SLMAP: variants seen among roughly 807,000 people sequenced by gnomAD.
The protein encoded by SLMAP is sarcolemma associated protein, also known as sarcolemmal membrane-associated protein.
SLMAP carries 44 observed loss-of-function variants against 128.8 expected under a neutral mutation model. The observed-to-expected ratio is 0.34, with a 90% CI of 0.27 to 0.44. SLMAP has a LOEUF of 0.44. Ranked by LOEUF, SLMAP falls within the 20% of genes least tolerant of loss-of-function variation. The probability of loss-of-function intolerance (pLI) is 1.00; values close to 1 mark genes in which losing one functional copy is unlikely to be tolerated. For missense variants in SLMAP, 787 were observed against 985.3 expected, an observed-to-expected ratio of 0.80 and a Z score of 2.69; for synonymous variants, 327 against 348.8, an observed-to-expected ratio of 0.94 and a Z score of 0.70.
At chr3:57,823,637 G>T (rs1236008933) in intron 2 of SLMAP, among the ~76,000 whole-genome samples, 1 of 152,156 alleles carries the variant, frequency 6.6e-6, no homozygotes, top group African/African-American at 2.4e-5. Flanking sequence ...CATTTGGGTT[G>T]GTTCCAAGTC....
intron 2 of SLMAP, among the ~76,000 whole-genome samples, chr3:57,780,299 A>G (rs931276802): frequency 6.6e-6 from 1 of 152,002 alleles, no homozygotes; most frequent in Non-Finnish European, 1.5e-5. Context: ...GGTGCACACC[A>G]TCACACCCAG....
chr3:57,879,035 T>C (rs6445930), intron 14 of SLMAP, among the ~76,000 whole-genome samples: 50,746 of 152,006 alleles, frequency 0.33, 9,147 homozygotes, highest in East Asian at 0.48. Context: ...GAAAATGGCT[T>C]TTTAGCTTTA....
chr3:57,804,501 T>G (rs923959136), intron 2 of SLMAP, among the ~76,000 whole-genome samples: 2 of 152,144 alleles, frequency 1.3e-5, no homozygotes, highest in African/African-American at 4.8e-5. Flanking sequence ...TCCCAGCACT[T>G]TGGGAGGTTG....
chr3:57,840,017 T>C (rs1289234070), intron 3 of SLMAP, among the ~76,000 whole-genome samples: 1 of 151,952 alleles, frequency 6.6e-6, no homozygotes, highest in East Asian at 1.9e-4. Flanking sequence ...AGAGGGGTTT[T>C]GCCATGTTGG....
intron 2 of SLMAP, among the ~76,000 whole-genome samples, chr3:57,810,027 T>C (rs577176995): frequency 1.3e-5 from 2 of 152,286 alleles, no homozygotes; most frequent in South Asian, 4.1e-4. Flanking sequence ...CTGCAGCCCT[T>C]CAGGGAGCTC....
intron 14 of SLMAP, among the ~76,000 whole-genome samples, chr3:57,878,938 T>C (rs550036032): frequency 2.0e-5 from 3 of 152,362 alleles, no homozygotes; most frequent in African/African-American, 7.2e-5. Flanking sequence ...TTCAGATCCC[T>C]AGGAAACTGA....
At chr3:57,862,118 A>G in intron 10 of SLMAP, 32 bp downstream of exon 10, 1 of 1,523,406 alleles carries the variant, frequency 6.6e-7, no homozygotes, top group East Asian at 2.3e-5. Flanking sequence ...AAGTATGTTA[A>G]GCTAATAATC....
Position 57,861,994 on chromosome 3 carries a change from A to G in SLMAP, c.874A>G (p.Met292Val), listed in dbSNP as rs759008432. Residue 292 changes from methionine (M) to valine (V), a missense_variant, in exon 10 of 25, where the codon ATG (methionine) becomes GTG (valine). Transcript: ENST00000671191. ...AGATGAATGTACCCATCTGAAAGAA[A>G]TGAATGAAAGGACTCAGGAAGAATT... The part of the protein sequence containing the change: ...TEDECTHLKE[M>V]NERTQEELRE... 4.3e-6 allele frequency: 7 copies of G among 1,611,774 alleles called. No homozygotes were observed. The highest frequency in any genetic ancestry group is 1.7e-5 in the Admixed American group (1 of 59,968).
At chr3:57,814,904 C>A (rs1042478032) in intron 2 of SLMAP, among the ~76,000 whole-genome samples, 19 of 152,226 alleles carry the variant, frequency 1.2e-4, no homozygotes, top group African/African-American at 3.9e-4. Flanking sequence ...GGGAGGATCT[C>A]TTGATCCTGG....
chr3:57,763,037 A>C (rs941786109), intron 2 of SLMAP, among the ~76,000 whole-genome samples: 1 of 151,862 alleles, frequency 6.6e-6, no homozygotes, highest in African/African-American at 2.4e-5. Context: ...AATGGTTATT[A>C]ATTCCTCTGT....
rs2097033706 is a variant in SLMAP at position 57,927,921 on chromosome 3, T to G, written c.*632T>G. ...CCACTGAGCTATTGGGAACAAGACT[T>G]AGAGACAACTATTTGCGTGGATTTT... On this transcript the variant is annotated 3_prime_UTR_variant, in exon 25 of 25. Coordinates refer to ENST00000671191, the MANE Select transcript of SLMAP (RefSeq NM_001377540.1). 1 of 152,490 alleles carries G rather than the reference T, an allele frequency of 6.6e-6. No homozygotes were observed. The highest frequency in any genetic ancestry group is 1.5e-5 in the Non-Finnish European group (1 of 68,004). The allele number at this position is 152,490 out of a possible 1,614,324, so 9.4% of individuals were successfully genotyped here.
chr3:57,888,073 A>AT (rs1172316088), intron 14 of SLMAP, among the ~76,000 whole-genome samples: 5 of 152,212 alleles, frequency 3.3e-5, no homozygotes, highest in African/African-American at 9.7e-5. Context: ...TTTTCAGGAA[A>AT]TTATAAGAGG....
chr3:57,813,735 G>A (rs1487588183), intron 2 of SLMAP, among the ~76,000 whole-genome samples: 1 of 152,084 alleles, frequency 6.6e-6, no homozygotes, highest in Admixed American at 6.6e-5. Flanking sequence ...TTTTATAAAA[G>A]GGTCTTGAAT....
intron 14 of SLMAP, among the ~76,000 whole-genome samples, chr3:57,880,660 T>C (rs570476551): frequency 6.6e-6 from 1 of 152,168 alleles, no homozygotes; most frequent in East Asian, 1.9e-4. Context: ...GGAGGATCGC[T>C]TGAGTTCAGG....
chr3:57,847,703 A>G (rs2094320622), intron 5 of SLMAP, among the ~76,000 whole-genome samples: 1 of 152,216 alleles, frequency 6.6e-6, no homozygotes. Flanking sequence ...ATTGCTTGCT[A>G]GAAAGCATTT....
chr3:57,925,935 G>A lies in SLMAP; in HGVS notation c.*6+1G>A. 1 of 1,547,528 alleles carries A rather than the reference G, an allele frequency of 6.5e-7. No homozygotes were observed. Among genetic ancestry groups the A allele is most frequent in the Non-Finnish European group, 8.7e-7 (1 of 1,143,956 alleles). On this transcript the variant is annotated splice_donor_variant, in intron 24 of 24. Transcript: ENST00000671191. LOFTEE classifies it low-confidence loss of function (3UTR_SPLICE). ...TTTCGGTCCATTGTGGTAGAGAAAG[G>A]TACAAGCACTATTGTTGAGTCCTTG...
At chr3:57,877,584 T>C (rs567746431) in intron 14 of SLMAP, among the ~76,000 whole-genome samples, 1 of 152,218 alleles carries the variant, frequency 6.6e-6, no homozygotes, top group Admixed American at 6.5e-5. Context: ...CTCAGAGTGG[T>C]TTATTCAATC....
At chr3:57,791,089 C>T (rs995299763) in intron 2 of SLMAP, among the ~76,000 whole-genome samples, 9 of 152,144 alleles carry the variant, frequency 5.9e-5, no homozygotes, top group Admixed American at 5.9e-4. Context: ...GACGCGTTGG[C>T]TTACGCTTGT....
At chr3:57,856,958 C>T (rs993017113) in intron 6 of SLMAP, among the ~76,000 whole-genome samples, 1 of 152,012 alleles carries the variant, frequency 6.6e-6, no homozygotes, top group Non-Finnish European at 1.5e-5. Context: ...TGTGTATATG[C>T]AGTCTATAGT....
Sources: gnomAD v4.1 joint callset for allele counts (sites outside exome capture counted in the v4.1 genomes callset) on GRCh38, gnomAD v4.1.1 for gene constraint, MANE v1.5 for transcripts, NCBI Gene and HGNC (gene_info 2026-07-23, HGNC 2026-07-21) for gene names.